The following UTP6 variants were observed in gnomAD, a reference collection of about 807,000 sequenced individuals.
UTP6 encodes U3 small nucleolar RNA-associated protein 6 homolog.
Under a neutral mutation model 96.5 loss-of-function variants are expected in UTP6, and 60 were observed. The observed-to-expected ratio is 0.62, with a 90% confidence interval of 0.51 to 0.77. The LOEUF (loss-of-function observed/expected upper bound fraction) is 0.77, where lower values mean the gene tolerates loss of function less well. Ranked by LOEUF, UTP6 falls within the 30% of genes least tolerant of loss-of-function variation. The pLI, the probability that UTP6 is intolerant of heterozygous loss-of-function variation, is 0.00. For missense variants in UTP6, 637 were observed against 706.5 expected (o/e 0.90, Z 1.12); for synonymous variants, 215 against 240.1 (o/e 0.90, Z 0.96).
rs191134739 is a variant in UTP6, at chr17:31,890,248, G to A, written c.425-845C>T. ...TGATCTCAAATGATCTGCCTGCCTC[G>A]GCTTCCCAAAGTGCTGGGATTATAG... On this transcript the variant is annotated intron_variant, in intron 6 of 18. Transcript: ENST00000261708. Among the ~76,000 whole-genome samples the A allele has an allele frequency of 6.0e-3, 909 of 151,252 alleles. 9 individuals carry two copies. The highest frequency in any genetic ancestry group is 0.021 in the African/African-American group (848 of 41,236).
At chr17:31,898,690 A>T (rs539113486) in intron 2 of UTP6, among the ~76,000 whole-genome samples, 1 of 140,376 alleles carries the variant, frequency 7.1e-6, no homozygotes, top group East Asian at 2.2e-4. Flanking sequence ...GGTGACACAG[A>T]GAGACTCTAT....
chr17:31,867,552 CAT>C (rs1909898088), intron 17 of UTP6, among the ~76,000 whole-genome samples: 1 of 150,640 alleles, frequency 6.6e-6, no homozygotes, highest in Non-Finnish European at 1.5e-5. Context: ...ATTCCCCAAA[CAT>C]ATACTTTCTC....
In UTP6 at chr17:31,873,147, G is replaced by A. The variant is rs993258172; in HGVS notation, c.1496+231C>T. 13 of 384,300 alleles carry A rather than the reference G, an allele frequency of 3.4e-5. 1 individual carries two copies. Among genetic ancestry groups the A allele is most frequent in the South Asian group, 1.1e-4 (3 of 28,080 alleles). The allele number at this position is 384,300 out of a possible 1,614,324, so 23.8% of individuals were successfully genotyped here. On this transcript the variant is annotated intron_variant, in intron 16 of 18. Transcript: ENST00000261708. ...CAGGTGCCTGTAATCCTAGCTACTC[G>A]GGAAGCCGAGGCAGGAGAATCACTT...
intron 10 of UTP6, 71 bp downstream of exon 10, chr17:31,884,353 A>G (rs908745551): frequency 6.4e-6 from 8 of 1,259,162 alleles, no homozygotes; most frequent in Non-Finnish European, 7.7e-6. Flanking sequence ...CTTCTACTAA[A>G]TATCCAACCT....
Position 31,892,331 on chromosome 17 carries a change from A to G in UTP6, c.361-8T>C. 6.2e-7 allele frequency: 1 copy of G among 1,613,474 alleles called. No individual in the cohort carries two copies. The highest frequency in any genetic ancestry group is 8.5e-7 in the Non-Finnish European group (1 of 1,179,518). On this transcript the variant is annotated splice_polypyrimidine_tract_variant and splice_region_variant and intron_variant, in intron 5 of 18. Transcript: ENST00000261708. Reference sequence around the variant, plus strand: ...AAGTCGAGTTTTAGTAGCCTGTAAAAAAGGAAAATATTTCTACTTCCTGCA... The same window carrying G: ...AAGTCGAGTTTTAGTAGCCTGTAAAGAAGGAAAATATTTCTACTTCCTGCA...
Position 31,873,464 on chromosome 17 carries a change from A to C in UTP6, c.1410T>G (p.Gly470=), listed in dbSNP as rs369512801. ...VFKKALLAVI[G]ADSVTLKNKY... ...TATTCTTCAGGGTTACTGAGTCGGCACCTATGACAGCTAAGAGAGCTTTCT... is the reference window on the plus strand; with the variant it reads ...TATTCTTCAGGGTTACTGAGTCGGCCCCTATGACAGCTAAGAGAGCTTTCT... Residue 470 remains glycine (G), a synonymous_variant, in exon 16 of 19, where the codon GGT becomes GGG. Transcript: ENST00000261708. 6.2e-7 allele frequency: 1 copy of C among 1,614,148 alleles called. No homozygotes were observed. The highest frequency in any genetic ancestry group is 1.7e-5 in the Admixed American group (1 of 59,980).
In UTP6 at chr17:31,893,024, T is replaced by C. The variant is rs989834139; in HGVS notation, c.313-230A>G. Among the ~76,000 whole-genome samples, 6 of 151,592 alleles carry C rather than the reference T, an allele frequency of 4.0e-5. 1 individual carries two copies. Among genetic ancestry groups the C allele is most frequent in the Admixed American group, 3.9e-4 (6 of 15,204 alleles). On this transcript the variant is annotated intron_variant, in intron 4 of 18. Coordinates refer to ENST00000261708, the MANE Select transcript of UTP6 (RefSeq NM_018428.3). ...CCCACCTAACCTAAAATTACAAAGA[T>C]TATTGGGAGGCCAAGGCGGATTGAT...
chr17:31,880,669 G>T lies in UTP6; in HGVS notation c.871C>A (p.Gln291Lys), dbSNP rs1486708647. Residue 291 changes from glutamine (Q) to lysine (K), a missense_variant, in exon 11 of 19, where the codon CAG (glutamine) becomes AAG (lysine). By Grantham distance (53) the Gln-to-Lys change is moderately conservative. Coordinates refer to ENST00000261708, the MANE Select transcript of UTP6 (RefSeq NM_018428.3). Reference sequence around the variant, plus strand: ...GCTTTGGCTTGTTTCGTTGTAGGCTGCTCTTCTGTCTGTGACTCAATCTCT... The same window carrying T: ...GCTTTGGCTTGTTTCGTTGTAGGCTTCTCTTCTGTCTGTGACTCAATCTCT... The part of the protein sequence containing the change: ...ELEIESQTEE[Q>K]PTTKQAKAVE... The T allele has an allele frequency of 6.2e-7, 1 of 1,613,986 alleles. No homozygotes were observed. Among genetic ancestry groups the T allele is most frequent in the African/African-American group, 1.3e-5 (1 of 74,912 alleles).
Position 31,863,117 on chromosome 17 carries a change from G to A in UTP6, c.*242C>T. 1 of 476,478 alleles carries A rather than the reference G, an allele frequency of 2.1e-6. No homozygotes were observed. The highest frequency in any genetic ancestry group is 2.6e-5 in the South Asian group (1 of 38,502). The allele number at this position is 476,478 out of a possible 1,614,324, so 29.5% of individuals were successfully genotyped here. ...GCTACTCAGGAGTCTGAGGTGAGAA[G>A]GTCACTTGAGTCCAGGAGTTCAAGA... On this transcript the variant is annotated 3_prime_UTR_variant, in exon 19 of 19. Transcript: ENST00000261708.
rs776913674 is a variant in UTP6, at chr17:31,875,327, T to C, written c.1212A>G (p.Thr404=). 7 of 1,614,118 alleles carry C rather than the reference T, an allele frequency of 4.3e-6. No individual in the cohort carries two copies. The South Asian group carries it at 4.4e-5, about 10-fold the overall frequency. The change falls in exon 14 of 19, where the codon ACA becomes ACG. Residue 404 remains threonine, a synonymous_variant. Transcript: ENST00000261708. The part of the protein sequence containing the change: ...AGTELFRDSG[T]MWQLKLQVLI... ...GCACCTGCAGCTTCAGCTGCCACAT[T>C]GTCCCAGAGTCTCTAAACAATTCAG...
At chr17:31,876,576 G>A (rs907786796) in intron 13 of UTP6, among the ~76,000 whole-genome samples, 5 of 151,784 alleles carry the variant, frequency 3.3e-5, no homozygotes, top group Admixed American at 6.6e-5. Flanking sequence ...CCCAGGAGGC[G>A]GAGGTTGAGG....
Position 31,889,264 on chromosome 17 carries a change from C to T in UTP6, c.543+21G>A. ...CCAAACTGAAACATCACTGTCTCAT[C>T]CTATGTGCATACACACTCACTTCTT... On this transcript the variant is annotated intron_variant, in intron 7 of 18. Coordinates refer to ENST00000261708, the MANE Select transcript of UTP6 (RefSeq NM_018428.3). 1.9e-6 allele frequency: 3 copies of T among 1,571,912 alleles called. No homozygotes were observed. The South Asian group carries it at 3.4e-5, about 18-fold the overall frequency.
intron 17 of UTP6, among the ~76,000 whole-genome samples, chr17:31,866,021 T>C (rs1598091988): frequency 6.6e-6 from 1 of 152,132 alleles, no homozygotes; most frequent in East Asian, 1.9e-4. Flanking sequence ...AAACTGCTCA[T>C]TCTCCACCTA....
In UTP6 at chr17:31,880,465, TTACAGAGACATCCCCAA is replaced by T. The variant is rs1910759203; in HGVS notation, c.967+91_967+107del. 6 of 1,402,502 alleles carry T rather than the reference TTACAGAGACATCCCCAA, an allele frequency of 4.3e-6. No individual in the cohort carries two copies. The Admixed American group carries it at 8.8e-5, about 21-fold the overall frequency. The allele number at this position is 1,402,502 out of a possible 1,614,324, so 86.9% of individuals were successfully genotyped here. A position where few individuals can be genotyped will look rare whatever the true frequency, so the allele number is the denominator to read the frequency against. On this transcript the variant is annotated intron_variant, in intron 11 of 18. Transcript: ENST00000261708. ...AAGGCCAGGCTCATCGTAAACTATG[TTACAGAGACATCCCCAA>T]TATTGATTTTGGCAATGGGAACAGG...
chr17:31,888,515 C>G (rs1390581473), intron 7 of UTP6, among the ~76,000 whole-genome samples: 1 of 151,980 alleles, frequency 6.6e-6, no homozygotes, highest in Non-Finnish European at 1.5e-5. Context: ...TTGAGACCAG[C>G]CTGCCCAACA....
At chr17:31,870,316 C>T (rs1352436691) in intron 16 of UTP6, among the ~76,000 whole-genome samples, 1 of 152,084 alleles carries the variant, frequency 6.6e-6, no homozygotes, top group Admixed American at 6.6e-5. Context: ...ACCCTGCAGC[C>T]TTGCCAATAT....
chr17:31,868,258 G>T, intron 16 of UTP6, 146 bp from the exon 17 acceptor site: 1 of 555,838 alleles, frequency 1.8e-6, no homozygotes, highest in Non-Finnish European at 3.0e-6. Context: ...TGACCTGATG[G>T]CCAGTCATTC....
intron 1 of UTP6, among the ~76,000 whole-genome samples, chr17:31,900,543 G>A (rs1165839551): frequency 6.6e-6 from 1 of 152,118 alleles, no homozygotes; most frequent in African/African-American, 2.4e-5. Context: ...ACCCACCTCG[G>A]CCTCCCAAAG....
chr17:31,877,900 G>A (rs773160266), intron 13 of UTP6, among the ~76,000 whole-genome samples: 4 of 150,786 alleles, frequency 2.7e-5, no homozygotes, highest in Non-Finnish European at 5.9e-5. Flanking sequence ...CCAAGAGGCA[G>A]AGGATGCAGT....
Sources: allele counts gnomAD v4.1 joint callset (sites outside exome capture counted in the v4.1 genomes callset), GRCh38; gene constraint gnomAD v4.1.1; transcripts MANE v1.5; gene names NCBI Gene and HGNC (gene_info 2026-07-23, HGNC 2026-07-21).